Variants in MCPH1 observed in about 807,000 individuals in gnomAD.
MCPH1 encodes microcephalin 1.
A neutral mutation model predicts 84.5 loss-of-function variants in MCPH1; 104 were observed. The ratio of observed to expected loss-of-function variants is 1.23; its 90% CI spans 1.05 to 1.45. The LOEUF (loss-of-function observed/expected upper bound fraction) is 1.45, where lower values mean the gene tolerates loss of function less well. Ranked by LOEUF, MCPH1 falls within the 40% of genes most tolerant of loss-of-function variation. The probability of loss-of-function intolerance (pLI) is 0.00; values close to 1 mark genes in which losing one functional copy is unlikely to be tolerated. For synonymous variants in MCPH1, 514 were observed against 366.8 expected, an observed-to-expected ratio of 1.40 and a Z score of -4.58; for missense variants, 1,498 against 1,005.7, an observed-to-expected ratio of 1.49 and a Z score of -6.62.
chr8:6,491,997 T>G (rs927546588), intron 11 of MCPH1, among the ~76,000 whole-genome samples: 14 of 152,332 alleles, frequency 9.2e-5, no homozygotes, highest in East Asian at 3.9e-4. Flanking sequence ...TACCCAGTAA[T>G]GGGATGGCTG....
intron 12 of MCPH1, among the ~76,000 whole-genome samples, chr8:6,523,296 A>C (rs905555308): frequency 6.6e-6 from 1 of 151,244 alleles, no homozygotes; most frequent in African/African-American, 2.4e-5. Flanking sequence ...CACGCCTGGC[A>C]GAAAAGCTTT....
At chr8:6,480,053 A>C (rs927357267) in intron 10 of MCPH1, among the ~76,000 whole-genome samples, 6 of 152,188 alleles carry the variant, frequency 3.9e-5, no homozygotes, top group Admixed American at 6.5e-5. Flanking sequence ...CCTGAAAAAC[A>C]AATCATTGCC....
intron 12 of MCPH1, chr8:6,562,739 G>C: frequency 6.2e-7 from 1 of 1,613,784 alleles, no homozygotes; most frequent in Non-Finnish European, 8.5e-7. Context: ...GCGTCCCTCT[G>C]CACAGCATTG....
chr8:6,539,179 G>A (rs55702698), intron 12 of MCPH1, among the ~76,000 whole-genome samples: 2 of 152,164 alleles, frequency 1.3e-5, no homozygotes, highest in East Asian at 1.9e-4. Context: ...TAAACCCCTC[G>A]CCAGAGCCTG....
chr8:6,515,528 A>C (rs1816089678), intron 12 of MCPH1, among the ~76,000 whole-genome samples: 1 of 152,330 alleles, frequency 6.6e-6, no homozygotes, highest in South Asian at 2.1e-4. Flanking sequence ...TGTGGGTTTA[A>C]ACTTTGTCCA....
At chr8:6,505,443 A>G (rs1291604705) in intron 12 of MCPH1, among the ~76,000 whole-genome samples, 2 of 84,372 alleles carry the variant, frequency 2.4e-5, no homozygotes, top group East Asian at 5.0e-4. Context: ...TATATTCTTT[A>G]TATACATATA....
chr8:6,482,182 T>G (rs974070358), intron 11 of MCPH1, among the ~76,000 whole-genome samples: 8 of 152,184 alleles, frequency 5.3e-5, no homozygotes, highest in African/African-American at 1.9e-4. Flanking sequence ...GCTGACAACT[T>G]TGATATGCCA....
intron 12 of MCPH1, chr8:6,563,013 A>G (rs3739391): frequency 0.81 from 1,196,599 of 1,472,494 alleles, 495,939 homozygotes; most frequent in Non-Finnish European, 0.85. Flanking sequence ...GCTGCCGTCT[A>G]AAACGCAGGG....
chr8:6,437,340 C>T (rs1802805249), intron 5 of MCPH1, among the ~76,000 whole-genome samples: 1 of 152,090 alleles, frequency 6.6e-6, no homozygotes, highest in Non-Finnish European at 1.5e-5. Context: ...AAGCAATTCT[C>T]CTGGCTCAGC....
At chr8:6,561,301 T>A (rs1825500608) in intron 12 of MCPH1, among the ~76,000 whole-genome samples, 1 of 152,190 alleles carries the variant, frequency 6.6e-6, no homozygotes, top group South Asian at 2.1e-4. Context: ...ATTTGATAGG[T>A]CATTTTGGTA....
At chr8:6,461,587 G>A (rs553687810) in intron 9 of MCPH1, among the ~76,000 whole-genome samples, 16 of 151,608 alleles carry the variant, frequency 1.1e-4, no homozygotes, top group South Asian at 1.0e-3. Flanking sequence ...TGATGTGCCC[G>A]CCTCAGCCTC....
intron 2 of MCPH1, among the ~76,000 whole-genome samples, chr8:6,411,482 C>T (rs541222539): frequency 3.9e-5 from 6 of 152,150 alleles, no homozygotes; most frequent in South Asian, 2.1e-4. Flanking sequence ...GCCAGAGAAG[C>T]CTTAAGGTGC....
At chr8:6,567,036 A>G (rs112981187) in intron 12 of MCPH1, among the ~76,000 whole-genome samples, 24 of 120,628 alleles carry the variant, frequency 2.0e-4, no homozygotes, top group South Asian at 2.9e-4. Flanking sequence ...TGCGGTGACC[A>G]TGTGTGATCG....
intron 4 of MCPH1, among the ~76,000 whole-genome samples, chr8:6,434,212 G>A (rs1802308224): frequency 6.6e-6 from 1 of 152,134 alleles, no homozygotes; most frequent in African/African-American, 2.4e-5. Context: ...AGATTCACAG[G>A]ACCCCAAAAT....
chr8:6,458,225 C>T (rs1306687764), intron 9 of MCPH1, among the ~76,000 whole-genome samples: 4 of 152,080 alleles, frequency 2.6e-5, no homozygotes, highest in Admixed American at 1.3e-4. Context: ...GTAATCCCAG[C>T]GCTTTGGGAG....
intron 10 of MCPH1, among the ~76,000 whole-genome samples, chr8:6,478,377 A>G (rs565696074): frequency 6.6e-6 from 1 of 152,230 alleles, no homozygotes; most frequent in Non-Finnish European, 1.5e-5. Context: ...ATATTATGAA[A>G]TATATTGAAC....
At chr8:6,530,728 C>G (rs546801891) in intron 12 of MCPH1, among the ~76,000 whole-genome samples, 154 of 152,198 alleles carry the variant, frequency 1.0e-3, no homozygotes, top group African/African-American at 3.6e-3. Context: ...ACCTGGTAGT[C>G]AAGTAATTTG....
intron 2 of MCPH1, among the ~76,000 whole-genome samples, chr8:6,412,272 C>T (rs1358556084): frequency 1.3e-5 from 2 of 152,138 alleles, no homozygotes; most frequent in Admixed American, 1.3e-4. Flanking sequence ...CTAACATTTA[C>T]TTGGGATGAG....
chr8:6,476,661 G>C (rs1216116356), intron 9 of MCPH1, among the ~76,000 whole-genome samples: 4 of 152,124 alleles, frequency 2.6e-5, no homozygotes. Flanking sequence ...CAAATACGTA[G>C]TATACAAACC....
Sources: gnomAD v4.1 joint callset for allele counts (sites outside exome capture counted in the v4.1 genomes callset) on GRCh38, gnomAD v4.1.1 for gene constraint, MANE v1.5 for transcripts, NCBI Gene and HGNC (gene_info 2026-07-23, HGNC 2026-07-21) for gene names.